The following PTPRK variants were observed in gnomAD, a reference collection of about 807,000 sequenced individuals.
PTPRK encodes protein tyrosine phosphatase receptor type K.
A neutral mutation model predicts 178.0 loss-of-function variants in PTPRK; 75 were observed. The ratio of observed to expected loss-of-function variants is 0.42; its 90% CI spans 0.35 to 0.51. The LOEUF is 0.51. PTPRK is among the 20% of genes least tolerant of loss of function. The pLI is 0.02. For synonymous variants in PTPRK, 637 were observed against 620.6 expected (o/e 1.03, Z -0.39); for missense variants, 1,441 against 1,797.8 (o/e 0.80, Z 3.59).
rs112145988 is a variant in PTPRK at position 128,267,945 on chromosome 6, C to A, written c.496-25343G>T. Among the ~76,000 whole-genome samples, 711 of 152,020 alleles carry A rather than the reference C, an allele frequency of 4.7e-3. 2 individuals are homozygous for A. Among genetic ancestry groups the A allele is most frequent in the Non-Finnish European group, 8.0e-3 (543 of 67,904 alleles). On this transcript the variant is annotated intron_variant, in intron 3 of 29. Transcript: ENST00000368226. Reference sequence around the variant, plus strand: ...ACATCAACTACTGGGGCTAAGAGACCATTCTTATTTTCTAGTGATTATAAG... The same window carrying A: ...ACATCAACTACTGGGGCTAAGAGACAATTCTTATTTTCTAGTGATTATAAG...
intron 7 of PTPRK, among the ~76,000 whole-genome samples, chr6:128,146,607 C>T (rs1032034308): frequency 1.3e-5 from 2 of 151,936 alleles, no homozygotes; most frequent in Admixed American, 1.3e-4. Context: ...CCACGCCCAG[C>T]TAATTTTTGT....
chr6:128,177,205 C>A (rs1039941353), intron 7 of PTPRK, among the ~76,000 whole-genome samples: 2 of 151,664 alleles, frequency 1.3e-5, no homozygotes, highest in African/African-American at 2.4e-5. Context: ...AGATCTATAT[C>A]TTTAAAATTC....
At chr6:128,071,515 A>G (rs977754887) in intron 11 of PTPRK, among the ~76,000 whole-genome samples, 2 of 152,146 alleles carry the variant, frequency 1.3e-5, no homozygotes, top group Admixed American at 1.3e-4. Context: ...GGACCTCTGC[A>G]GCATGCTACC....
intron 3 of PTPRK, among the ~76,000 whole-genome samples, chr6:128,267,507 T>G (rs928773250): frequency 6.6e-6 from 1 of 152,084 alleles, no homozygotes; most frequent in East Asian, 1.9e-4. Flanking sequence ...GGATTTTATT[T>G]TAACTGGATT....
rs541580030 is a variant in PTPRK at position 128,395,917 on chromosome 6, C to T, written c.223+1649G>A. ...CATTCTATTATAAAAGTACACATCA[C>T]GGGGGAACCAACACAAAATTTTTCA... is the stretch of plus-strand genomic sequence containing the variant. On this transcript the variant is annotated intron_variant, in intron 2 of 29. Transcript: ENST00000368226. 3.9e-5 allele frequency among the ~76,000 whole-genome samples: 6 copies of T among 152,072 alleles called. No homozygotes were observed. In the South Asian group the frequency reaches 8.3e-4, roughly 21 times the overall value.
chr6:128,073,610 C>T (rs1783234685), intron 11 of PTPRK, among the ~76,000 whole-genome samples: 1 of 151,964 alleles, frequency 6.6e-6, no homozygotes. Flanking sequence ...TCCAGAGTTG[C>T]TAAGCTAAGA....
chr6:127,999,330 G>A (rs762843673), intron 15 of PTPRK, among the ~76,000 whole-genome samples: 13 of 151,828 alleles, frequency 8.6e-5, no homozygotes, highest in Non-Finnish European at 1.5e-4. Flanking sequence ...AGAGATACCC[G>A]ATCTAGGTGA....
At chr6:128,017,827 T>TATATATATATATAC (rs1439013753) in intron 13 of PTPRK, among the ~76,000 whole-genome samples, 7 of 138,672 alleles carry the variant, frequency 5.0e-5, no homozygotes, top group Non-Finnish European at 9.2e-5. Flanking sequence ...TATATATATA[T>TATATATATATATAC]ATATATTTGG....
intron 7 of PTPRK, among the ~76,000 whole-genome samples, chr6:128,178,985 A>G (rs970638987): frequency 2.6e-5 from 4 of 151,958 alleles, no homozygotes; most frequent in Non-Finnish European, 5.9e-5. Flanking sequence ...TACATTATCC[A>G]TTAGAGGTAG....
At chr6:128,427,733 CT>C (rs1339511103) in intron 1 of PTPRK, among the ~76,000 whole-genome samples, 2 of 152,138 alleles carry the variant, frequency 1.3e-5, no homozygotes, top group African/African-American at 4.8e-5. Flanking sequence ...TCCTGAAGCC[CT>C]CCCTCCACAT....
intron 13 of PTPRK, among the ~76,000 whole-genome samples, chr6:128,042,400 G>A (rs1373138434): frequency 1.3e-5 from 2 of 152,096 alleles, no homozygotes; most frequent in African/African-American, 2.4e-5. Context: ...CAAGGTGTTG[G>A]CAGGGCTTTC....
At chr6:127,997,140 C>A in intron 16 of PTPRK, 152 bp from the exon 17 acceptor site, 1 of 737,468 alleles carries the variant, frequency 1.4e-6, no homozygotes, top group East Asian at 2.8e-5. Flanking sequence ...GACCTCAAAG[C>A]CGCTTTGTTG....
chr6:128,333,833 A>G (rs1486591931), intron 2 of PTPRK, among the ~76,000 whole-genome samples: 3 of 152,192 alleles, frequency 2.0e-5, no homozygotes, highest in Non-Finnish European at 2.9e-5. Context: ...AGGCCCAGCT[A>G]TTGGCCTATC....
At chr6:128,008,659 T>G (rs1030278507) in intron 14 of PTPRK, among the ~76,000 whole-genome samples, 10 of 151,092 alleles carry the variant, frequency 6.6e-5, no homozygotes, top group Non-Finnish European at 1.5e-4. Flanking sequence ...AGGCTAAAAT[T>G]TTTAGTCAAT....
chr6:128,129,596 C>G (rs903434865), intron 7 of PTPRK, among the ~76,000 whole-genome samples: 3 of 152,046 alleles, frequency 2.0e-5, no homozygotes, highest in Non-Finnish European at 4.4e-5. Context: ...ATAAGAAATG[C>G]CATCACTTTT....
chr6:128,341,304 A>G (rs1831627405), intron 2 of PTPRK, among the ~76,000 whole-genome samples: 1 of 152,200 alleles, frequency 6.6e-6, no homozygotes, highest in South Asian at 2.1e-4. Flanking sequence ...AGTTAAAAAT[A>G]TGTAATTTTT....
chr6:128,277,439 G>A (rs1324866054), intron 3 of PTPRK, among the ~76,000 whole-genome samples: 1 of 152,148 alleles, frequency 6.6e-6, no homozygotes, highest in African/African-American at 2.4e-5. Context: ...CAAGAGCTCT[G>A]TCAAAACACT....
intron 25 of PTPRK, among the ~76,000 whole-genome samples, chr6:127,980,823 T>G (rs1487938413): frequency 6.9e-6 from 1 of 143,912 alleles, no homozygotes; most frequent in East Asian, 2.0e-4. Context: ...AGGCATGATT[T>G]TCTTTTCTGA....
chr6:128,386,963 G>C (rs1343004878), intron 2 of PTPRK, among the ~76,000 whole-genome samples: 1 of 152,158 alleles, frequency 6.6e-6, no homozygotes, highest in Non-Finnish European at 1.5e-5. Context: ...AGCTACTCAG[G>C]TGGCTGAGGC....
Sources: allele counts gnomAD v4.1 joint callset (sites outside exome capture counted in the v4.1 genomes callset), GRCh38; gene constraint gnomAD v4.1.1; transcripts MANE v1.5; gene names NCBI Gene and HGNC (gene_info 2026-07-23, HGNC 2026-07-21).